Variants in DSCAM observed in about 807,000 individuals in gnomAD.
DSCAM encodes the protein DS cell adhesion molecule.
DSCAM carries 47 observed loss-of-function variants against 217.7 expected under a neutral mutation model. The ratio of observed to expected loss-of-function variants is 0.22; its 90% CI spans 0.17 to 0.28. The LOEUF (loss-of-function observed/expected upper bound fraction) is 0.28. Ranked by LOEUF, DSCAM falls within the 10% of genes least tolerant of loss-of-function variation. The pLI is 1.00. For synonymous variants in DSCAM, 1,056 were observed against 1,015.3 expected (o/e 1.04, Z -0.76); for missense variants, 2,080 against 2,618.3 (o/e 0.79, Z 4.49).
rs568100381 is a variant in DSCAM, at chr21:40,624,956, A to T, written c.508+67854T>A. 1.4e-4 allele frequency among the ~76,000 whole-genome samples: 22 copies of T among 152,348 alleles called. No homozygotes were observed. The East Asian group carries it at 3.7e-3, about 25-fold the overall frequency. On this transcript the variant is annotated intron_variant, in intron 3 of 32. Coordinates refer to ENST00000400454, the MANE Select transcript of DSCAM (RefSeq NM_001389.5). ...TGATTATATAAAGTGAGCTTTTATA[A>T]TCTAAGAGTATATTTATTATGTTAG...
At chr21:40,430,627 T>C (rs923475542) in intron 3 of DSCAM, among the ~76,000 whole-genome samples, 5 of 152,192 alleles carry the variant, frequency 3.3e-5, no homozygotes, top group East Asian at 1.9e-4. Context: ...CCTATATATA[T>C]ACACACATAT....
At chr21:40,640,258 T>C (rs918759257) in intron 3 of DSCAM, among the ~76,000 whole-genome samples, 1 of 149,400 alleles carries the variant, frequency 6.7e-6, no homozygotes, top group Non-Finnish European at 1.5e-5. Context: ...TTTCAGAAGA[T>C]GCTGCAGCTT....
rs755579756 is a variant in DSCAM, at chr21:40,124,232, C to A, written c.3659G>T (p.Arg1220Leu). The change falls in exon 20 of 33, where the codon CGA (arginine) becomes CTA (leucine). Residue 1220 changes from arginine (R) to leucine (L), a missense_variant. Around this residue, in one of 5 missense-constraint regions of DSCAM, gnomAD observed 1,144 missense variants for 1,421.1 expected, o/e 0.81. Transcript: ENST00000400454. ...GTGGGAGCAGAATACAGTGTACTTT[C>A]GGATGATGCCGTTCAGCTTGAGAGG... ...LPPLKLNGII[R>L]KYTVFCSHPY... The A allele has an allele frequency of 1.2e-6, 2 of 1,613,926 alleles. No homozygotes were observed.
intron 27 of DSCAM, among the ~76,000 whole-genome samples, chr21:40,072,627 T>C (rs562188347): frequency 1.1e-3 from 167 of 152,206 alleles, no homozygotes; most frequent in East Asian, 4.5e-3. Context: ...GGATTACAGG[T>C]GTGAGCCACC....
chr21:40,115,417 G>A (rs2089958399), intron 20 of DSCAM, among the ~76,000 whole-genome samples: 1 of 152,132 alleles, frequency 6.6e-6, no homozygotes, highest in African/African-American at 2.4e-5. Context: ...CCTGTTGTGG[G>A]GTGCGGGGAC....
intron 11 of DSCAM, among the ~76,000 whole-genome samples, chr21:40,204,497 CG>C (rs1399780447): frequency 6.6e-6 from 1 of 152,094 alleles, no homozygotes; most frequent in Admixed American, 6.6e-5. Flanking sequence ...TATTTAAGAA[CG>C]TTCTCATAAA....
chr21:40,473,200 A>G (rs1317061001), intron 3 of DSCAM, among the ~76,000 whole-genome samples: 1 of 152,228 alleles, frequency 6.6e-6, no homozygotes, highest in Non-Finnish European at 1.5e-5. Flanking sequence ...AAACTAAAGG[A>G]GAGCAGAATG....
rs10530311 is a variant in DSCAM at position 40,597,500 on chromosome 21, C to CTTT, written c.508+95307_508+95309dup. On this transcript the variant is annotated intron_variant, in intron 3 of 32. Transcript: ENST00000400454. ...AACCTATCTTTTTTACAGTAATAGG[C>CTTT]TTTTTTTTTTTTTTTTTTTTTTTGG... Among the ~76,000 whole-genome samples, 551 of 75,854 alleles carry CTTT rather than the reference C, an allele frequency of 7.3e-3. 35 individuals are homozygous for CTTT. Among genetic ancestry groups the CTTT allele is most frequent in the African/African-American group, 0.022 (383 of 17,134 alleles). The allele number at this position is 75,854 out of a possible 152,430, so 49.8% of individuals were successfully genotyped here.
chr21:40,096,116 A>T (rs949716477), intron 20 of DSCAM, among the ~76,000 whole-genome samples: 7 of 152,174 alleles, frequency 4.6e-5, no homozygotes, highest in Non-Finnish European at 8.8e-5. Context: ...GCTCACTGAG[A>T]TAGATGCATA....
intron 3 of DSCAM, among the ~76,000 whole-genome samples, chr21:40,517,284 TTATA>T (rs1414614994): frequency 6.7e-6 from 1 of 149,992 alleles, no homozygotes; most frequent in East Asian, 2.0e-4. Flanking sequence ...ATTTGTGTAT[TTATA>T]TATTTATATA....
At chr21:40,483,587 T>C (rs749348976) in intron 3 of DSCAM, among the ~76,000 whole-genome samples, 21 of 152,242 alleles carry the variant, frequency 1.4e-4, no homozygotes, top group Non-Finnish European at 2.5e-4. Context: ...TTTATTTTCC[T>C]GTATAACGGA....
chr21:40,780,413 G>GTATATATATATATA (rs1196794146), intron 1 of DSCAM, among the ~76,000 whole-genome samples: 9 of 45,114 alleles, frequency 2.0e-4, no homozygotes, highest in South Asian at 8.3e-4. Context: ...GTGTGTGTGT[G>GTATATATATATATA]TGTGTGTGTG....
At chr21:40,071,072 G>A (rs2089287063) in intron 27 of DSCAM, among the ~76,000 whole-genome samples, 1 of 152,192 alleles carries the variant, frequency 6.6e-6, no homozygotes, top group Non-Finnish European at 1.5e-5. Flanking sequence ...TTGCGTAAAT[G>A]CGTACCAAAG....
At chr21:40,650,769 C>T (rs1194661562) in intron 3 of DSCAM, among the ~76,000 whole-genome samples, 1 of 152,138 alleles carries the variant, frequency 6.6e-6, no homozygotes, top group Admixed American at 6.5e-5. Context: ...AAAAAATTAG[C>T]CAGGCGTGGT....
At chr21:40,360,310 A>G (rs2074747589) in intron 4 of DSCAM, among the ~76,000 whole-genome samples, 1 of 150,840 alleles carries the variant, frequency 6.6e-6, no homozygotes, top group East Asian at 2.0e-4. Flanking sequence ...TTTTTTTTGT[A>G]TTTTTACTAG....
intron 3 of DSCAM, among the ~76,000 whole-genome samples, chr21:40,456,936 A>G (rs934257650): frequency 6.6e-6 from 1 of 152,200 alleles, no homozygotes; most frequent in Non-Finnish European, 1.5e-5. Context: ...TAGGAGTAAA[A>G]TATCTGTGGA....
chr21:40,796,589 G>A lies in DSCAM; in HGVS notation c.43+50030C>T, dbSNP rs736975. 0.014 allele frequency among the ~76,000 whole-genome samples: 2,082 copies of A among 152,182 alleles called. 97 individuals carry two copies. In the East Asian group the frequency reaches 0.18, roughly 13 times the overall value. On this transcript the variant is annotated intron_variant, in intron 1 of 32. Coordinates refer to ENST00000400454, the MANE Select transcript of DSCAM (RefSeq NM_001389.5). ...GAGACAAGGTTCTAAATCTATGTAG[G>A]CAGGTTCTGCTGTCTCTGTCTTGCA...
chr21:40,814,704 T>C (rs1467463860), intron 1 of DSCAM, among the ~76,000 whole-genome samples: 2 of 152,184 alleles, frequency 1.3e-5, no homozygotes, highest in Non-Finnish European at 2.9e-5. Context: ...GCAGATGTGA[T>C]TGACTTGGAA....
At chr21:40,715,970 T>C (rs2090837569) in intron 1 of DSCAM, among the ~76,000 whole-genome samples, 1 of 152,238 alleles carries the variant, frequency 6.6e-6, no homozygotes, top group African/African-American at 2.4e-5. Context: ...TAATTAAATG[T>C]ATAGTTTCTT....
Sources: gnomAD v4.1 joint callset for allele counts (sites outside exome capture counted in the v4.1 genomes callset) on GRCh38, gnomAD v4.1.1 for gene constraint, gnomAD v4.1.1 regional missense constraint, MANE v1.5 for transcripts, NCBI Gene and HGNC (gene_info 2026-07-23, HGNC 2026-07-21) for gene names.